FER1L5: variants seen among roughly 807,000 people sequenced by gnomAD.
The protein encoded by FER1L5 is fer-1 like family member 5, also known as fer-1-like protein 5.
A neutral mutation model predicts 279.9 loss-of-function variants in FER1L5; 187 were observed. The ratio of observed to expected loss-of-function variants is 0.67; its 90% CI spans 0.59 to 0.75. FER1L5 has a LOEUF of 0.75. FER1L5 is among the 30% of genes least tolerant of loss of function. FER1L5 has a pLI of 0.00. For missense variants in FER1L5, 2,091 were observed against 2,594.4 expected, an observed-to-expected ratio of 0.81 and a Z score of 4.21; for synonymous variants, 921 against 989.7, an observed-to-expected ratio of 0.93 and a Z score of 1.30.
Position 96,702,426 on chromosome 2 carries a change from GC to G in FER1L5, c.5255+26del, listed in dbSNP as rs1467297918. The G allele has an allele frequency of 6.3e-6, 10 of 1,594,432 alleles. No homozygotes were observed. Among genetic ancestry groups the G allele is most frequent in the Non-Finnish European group, 8.5e-6 (10 of 1,170,858 alleles). ...GGTAGGGAAGAGGAGTCAGGCTCCG[GC>G]AGAGCCCCTCAGTTCCCCAGTTCTG... On this transcript the variant is annotated intron_variant, in intron 47 of 52. Coordinates refer to ENST00000624922, the MANE Select transcript of FER1L5 (RefSeq NM_001293083.2). The surrounding 1 kb of genome is among the most constrained non-coding windows in gnomAD (Gnocchi z 4.0).
At chr2:96,644,443 C>G (rs2075029149) in intron 1 of FER1L5, among the ~76,000 whole-genome samples, 1 of 151,914 alleles carries the variant, frequency 6.6e-6, no homozygotes. Flanking sequence ...GATAGCGCCA[C>G]TGCACTCTGG....
intron 12 of FER1L5, 87 bp downstream of exon 12, chr2:96,661,878 T>G (rs2075967034): frequency 2.0e-6 from 3 of 1,513,554 alleles, no homozygotes; most frequent in South Asian, 1.3e-5. Flanking sequence ...CCTCATTCCT[T>G]TTGGCACTAA....
rs552466206 is a variant in FER1L5 at position 96,668,903 on chromosome 2, C to T, written c.1202C>T (p.Pro401Leu). The T allele has an allele frequency of 3.4e-5, 52 of 1,551,624 alleles. 1 individual carries two copies. The East Asian group carries it at 6.6e-4, about 20-fold the overall frequency. Residue 401 changes from proline to leucine, a missense_variant, in exon 16 of 53, where the codon CCG becomes CTG. By Grantham distance (98) the Pro-to-Leu change is moderately conservative (BLOSUM62 -3). Coordinates refer to ENST00000624922, the MANE Select transcript of FER1L5 (RefSeq NM_001293083.2). ...CTCTCTAGCCGCAAGAAGGACTGCC[C>T]GGATGAGATTGGGACTGCCAGCCTG... is the stretch of plus-strand genomic sequence containing the variant. ...RVLDCRKKDC[P>L]DEIGTASLSL...
At position 96,647,055 on chromosome 2, in the gene FER1L5, C is replaced by T. The variant is rs1018169246; in HGVS notation, c.139-9C>T. The T allele has an allele frequency of 1.9e-6, 3 of 1,551,372 alleles. No homozygotes were observed. Among genetic ancestry groups the T allele is most frequent in the East Asian group, 4.9e-5 (2 of 40,912 alleles). ...AGGGAGGATGCTGACCTCTCTATGC[C>T]CCCCACAGACCCTAATCTGGCACCT... On this transcript the variant is annotated splice_polypyrimidine_tract_variant and intron_variant, in intron 2 of 52. Coordinates refer to ENST00000624922, the MANE Select transcript of FER1L5 (RefSeq NM_001293083.2).
chr2:96,691,213 C>A lies in FER1L5; in HGVS notation c.2767C>A (p.Pro923Thr), dbSNP rs1405407118. The change falls in exon 28 of 53, where the codon CCA becomes ACA. Residue 923 changes from proline (P) to threonine (T), a missense_variant. By Grantham distance (38) the Pro-to-Thr change is conservative. Transcript: ENST00000624922. This position sits in a 1 kb window ranked among gnomAD's most constrained non-coding sequence, Gnocchi z 6.0. ...AGGCTGGGAGTATGGAGTGGGGATC[C>A]CACCGTCGGGCCTGCCCCAGGTCTG... ...SKGWEYGVGI[P>T]PSGLPQVWSP... The A allele has an allele frequency of 1.3e-6, 2 of 1,549,730 alleles. No homozygotes were observed. The highest frequency in any genetic ancestry group is 1.7e-6 in the Non-Finnish European group (2 of 1,146,548).
intron 45 of FER1L5, 108 bp downstream of exon 45, chr2:96,700,579 A>G (rs2077555147): frequency 6.9e-7 from 1 of 1,444,008 alleles, no homozygotes; most frequent in Non-Finnish European, 9.5e-7. Context: ...AGGACAGGCC[A>G]AACATTTAGT....
chr2:96,647,936 G>A lies in FER1L5; in HGVS notation c.339+50G>A, dbSNP rs930190353. On this transcript the variant is annotated intron_variant, in intron 4 of 52. Coordinates refer to ENST00000624922, the MANE Select transcript of FER1L5 (RefSeq NM_001293083.2). The stretch of plus-strand genomic sequence containing the variant: ...GGCAGGGTGGCTGGAGGAATGAGGG[G>A]AGCTGGTGAAGCGGCCCACACCACA... 2.0e-5 allele frequency: 29 copies of A among 1,445,618 alleles called. No individual in the cohort carries two copies. The Admixed American group carries it at 5.5e-4, about 27-fold the overall frequency. 89.5% of individuals were successfully genotyped at this position (1,445,618 alleles called of 1,614,324 possible).
chr2:96,691,582 C>G lies in FER1L5; in HGVS notation c.3045C>G (p.Ile1015Met). 1.3e-6 allele frequency: 2 copies of G among 1,542,554 alleles called. No homozygotes were observed. Among genetic ancestry groups the G allele is most frequent in the South Asian group, 1.2e-5 (1 of 82,786 alleles). ...RRLAPNKDKG[I>M]APIFLLEGSL... The stretch of plus-strand genomic sequence containing the variant: ...TGGCCCCCAACAAGGACAAGGGCAT[C>G]GCGCCCATATTCCTCCTGGAGGGGT... Residue 1015 changes from isoleucine to methionine, a missense_variant, in exon 29 of 53, where the codon ATC becomes ATG. Transcript: ENST00000624922. The surrounding 1 kb of genome is among the most constrained non-coding windows in gnomAD (Gnocchi z 6.0).
In FER1L5 at chr2:96,699,134, C is replaced by T; in HGVS notation, c.4608C>T (p.Gly1536=). 1.2e-6 allele frequency: 2 copies of T among 1,606,598 alleles called. No homozygotes were observed. Among genetic ancestry groups the T allele is most frequent in the African/African-American group, 2.7e-5 (2 of 74,846 alleles). The change falls in exon 42 of 53, where the codon GGC becomes GGT. Residue 1536 remains glycine, a splice_region_variant and synonymous_variant. Transcript: ENST00000624922. ...CCAACACTCTGGATCCCATCTTTGGCATGTGAGCTGCCCCAACCCCCAAGA... is the reference window on the plus strand; with the variant it reads ...CCAACACTCTGGATCCCATCTTTGGTATGTGAGCTGCCCCAACCCCCAAGA... ...YQPNTLDPIF[G]MMFELTCNIP...
chr2:96,699,575 C>A lies in FER1L5; in HGVS notation c.4636C>A (p.Pro1546Thr), dbSNP rs374283621. The A allele has an allele frequency of 5.8e-5, 93 of 1,613,796 alleles. No homozygotes were observed. The highest frequency in any genetic ancestry group is 7.5e-5 in the Non-Finnish European group (88 of 1,179,872). Residue 1546 changes from proline to threonine, a missense_variant, in exon 43 of 53, where the codon CCC (proline) becomes ACC (threonine). Pro to Thr is a conservative substitution (Grantham distance 38). Coordinates refer to ENST00000624922, the MANE Select transcript of FER1L5 (RefSeq NM_001293083.2). ...GMMFELTCNI[P>T]LEKDLEIQLY... is the part of the protein sequence containing the mutation. ...GATGTTTGAACTCACCTGCAACATA[C>A]CCCTGGAGAAGGACCTAGAGATCCA...
rs2077147622 is a variant in FER1L5, at chr2:96,691,550, C to T, written c.3013C>T (p.Arg1005Cys). The change falls in exon 29 of 53, where the codon CGC (arginine) becomes TGC (cysteine). Residue 1005 changes from arginine (R) to cysteine (C), a missense_variant. Physicochemically the swap from Arg to Cys is radical, Grantham distance 180. Transcript: ENST00000624922. This position sits in a 1 kb window ranked among gnomAD's most constrained non-coding sequence, Gnocchi z 6.0. ...QSRFRRRCWR[R>C]RLAPNKDKGI... Reference sequence around the variant, plus strand: ...CCGGTTCCGCCGCCGCTGCTGGCGCCGCAGGCTGGCCCCCAACAAGGACAA... The same window carrying T: ...CCGGTTCCGCCGCCGCTGCTGGCGCTGCAGGCTGGCCCCCAACAAGGACAA... 1 of 1,549,608 alleles carries T rather than the reference C, an allele frequency of 6.5e-7. No individual in the cohort carries two copies. Among genetic ancestry groups the T allele is most frequent in the Non-Finnish European group, 8.7e-7 (1 of 1,146,284 alleles).
chr2:96,694,163 C>A lies in FER1L5; in HGVS notation c.3636+91C>A. 1 of 1,450,864 alleles carries A rather than the reference C, an allele frequency of 6.9e-7. No homozygotes were observed. The highest frequency in any genetic ancestry group is 1.4e-5 in the South Asian group (1 of 71,316). 89.9% of individuals were successfully genotyped at this position (1,450,864 alleles called of 1,614,324 possible). On this transcript the variant is annotated intron_variant, in intron 33 of 52. Transcript: ENST00000624922. This position sits in a 1 kb window ranked among gnomAD's most constrained non-coding sequence, Gnocchi z 4.6. ...CCAGCGGGGGCCAACTCCACCCTGT[C>A]AGGAAATGCCTGGGGCCCAGGATCC...
At chr2:96,703,385 G>A in intron 50 of FER1L5, 39 bp downstream of exon 50, 1 of 1,597,842 alleles carries the variant, frequency 6.3e-7, no homozygotes, top group South Asian at 1.1e-5. Flanking sequence ...GGGCTGCTAT[G>A]CCACATGTCC....
Position 96,694,236 on chromosome 2 carries a change from TC to T in FER1L5, c.3637-119del. 2.3e-6 allele frequency: 3 copies of T among 1,298,742 alleles called. No individual in the cohort carries two copies. Among genetic ancestry groups the T allele is most frequent in the Non-Finnish European group, 3.1e-6 (3 of 968,584 alleles). 80.5% of individuals were successfully genotyped at this position (1,298,742 alleles called of 1,614,324 possible). A position where few individuals can be genotyped will look rare whatever the true frequency, so the allele number is the denominator to read the frequency against. Reference sequence around the variant, plus strand: ...TGGCCTGACCAGCCTCTCCCCTAAGTCCCCCTGCCAGCCCCTACCCATGGGG... The same window carrying T: ...TGGCCTGACCAGCCTCTCCCCTAAGTCCCCTGCCAGCCCCTACCCATGGGG... On this transcript the variant is annotated intron_variant, in intron 33 of 52. Coordinates refer to ENST00000624922, the MANE Select transcript of FER1L5 (RefSeq NM_001293083.2). The surrounding 1 kb of genome is among the most constrained non-coding windows in gnomAD (Gnocchi z 4.6).
Position 96,661,372 on chromosome 2 carries a change from C to A in FER1L5, c.826C>A (p.Pro276Thr). The change falls in exon 11 of 53, where the codon CCT (proline) becomes ACT (threonine). Residue 276 changes from proline to threonine, a missense_variant. Pro to Thr is a conservative substitution (Grantham distance 38). Transcript: ENST00000624922. Reference protein sequence around the residue: ...KWLGLCQPNNPGSGVTGYLKV... With the variant: ...KWLGLCQPNNTGSGVTGYLKV... Reference sequence around the variant, plus strand: ...GCTAGGCCTCTGCCAGCCAAATAACCCTGGCAGTGGTGTGACAGGCTACCT... The same window carrying A: ...GCTAGGCCTCTGCCAGCCAAATAACACTGGCAGTGGTGTGACAGGCTACCT... 1 of 1,551,596 alleles carries A rather than the reference C, an allele frequency of 6.4e-7. No homozygotes were observed. Among genetic ancestry groups the A allele is most frequent in the Non-Finnish European group, 8.7e-7 (1 of 1,146,968 alleles).
Position 96,673,250 on chromosome 2 carries a change from T to C in FER1L5, c.1665T>C (p.Tyr555=), listed in dbSNP as rs1310351090. Residue 555 remains tyrosine (Y), a synonymous_variant, in exon 19 of 53, where the codon TAT becomes TAC. Coordinates refer to ENST00000624922, the MANE Select transcript of FER1L5 (RefSeq NM_001293083.2). The part of the protein sequence containing the change: ...VSSTPYSPVI[Y]DGNIYHYVPW... ...GCACACCGTACAGCCCAGTGATATA[T>C]GATGGTAATTGTCAGATTCAGGCAA... The C allele has an allele frequency of 1.3e-6, 2 of 1,548,420 alleles. No individual in the cohort carries two copies. Among genetic ancestry groups the C allele is most frequent in the East Asian group, 2.4e-5 (1 of 40,840 alleles).
At chr2:96,648,814 G>A (rs1190780175) in intron 4 of FER1L5, among the ~76,000 whole-genome samples, 4 of 152,238 alleles carry the variant, frequency 2.6e-5, no homozygotes, top group Non-Finnish European at 5.9e-5. Flanking sequence ...CAGACAGTCT[G>A]TGACTTACAA....
intron 30 of FER1L5, 58 bp downstream of exon 30, chr2:96,692,021 G>A: frequency 6.1e-6 from 8 of 1,305,772 alleles, no homozygotes; most frequent in Non-Finnish European, 8.3e-6. Flanking sequence ...CCCGAGGGCG[G>A]GGGGGGGGGA....
At chr2:96,700,781 G>A (rs1558932888) in intron 45 of FER1L5, among the ~76,000 whole-genome samples, 2 of 152,214 alleles carry the variant, frequency 1.3e-5, no homozygotes, top group South Asian at 4.1e-4. Flanking sequence ...CTCCCGAGGG[G>A]TGGGAAGGTG....
Sources: allele counts gnomAD v4.1 joint callset (sites outside exome capture counted in the v4.1 genomes callset), GRCh38; gene constraint gnomAD v4.1.1; non-coding constraint Gnocchi (gnomAD v3.1); transcripts MANE v1.5; gene names NCBI Gene and HGNC (gene_info 2026-07-23, HGNC 2026-07-21).